The following NWD2 variants were observed in gnomAD, a reference collection of about 807,000 sequenced individuals.
The protein encoded by NWD2 is NACHT and WD repeat domain-containing protein 2.
NWD2 carries 37 observed loss-of-function variants against 132.7 expected under a neutral mutation model. The observed-to-expected ratio is 0.28, with a 90% CI of 0.21 to 0.37. The LOEUF is 0.37. NWD2 is among the 10% of genes least tolerant of loss of function. NWD2 has a pLI of 1.00. For synonymous variants in NWD2, 705 were observed against 803.0 expected (o/e 0.88, Z 2.06); for missense variants, 1,592 against 2,122.4 (o/e 0.75, Z 4.91).
At position 37,439,145 on chromosome 4, in the gene NWD2, A is replaced by G; in HGVS notation, c.1051A>G (p.Ile351Val). ...TGGTAAACAATTTTATGAGGACATG[A>G]TTGATATAATTCAGGCAACGATACA... The part of the protein sequence containing the change: ...GLGKQFYEDM[I>V]DIIQATIQQN... Residue 351 changes from isoleucine to valine, a missense_variant, in exon 6 of 7, where the codon ATT (isoleucine) becomes GTT (valine). Transcript: ENST00000309447. This position sits in a 1 kb window ranked among gnomAD's most constrained non-coding sequence, Gnocchi z 4.5. 6.4e-7 allele frequency: 1 copy of G among 1,551,404 alleles called. No homozygotes were observed. The highest frequency in any genetic ancestry group is 2.4e-5 in the East Asian group (1 of 40,918).
At chr4:37,272,131 T>G (rs902896523) in intron 1 of NWD2, among the ~76,000 whole-genome samples, 1 of 151,858 alleles carries the variant, frequency 6.6e-6, no homozygotes, top group African/African-American at 2.4e-5. Flanking sequence ...TAAAGCAACC[T>G]GTTCTTCTTC....
At chr4:37,349,094 C>T (rs960622374) in intron 2 of NWD2, among the ~76,000 whole-genome samples, 16 of 151,906 alleles carry the variant, frequency 1.1e-4, no homozygotes, top group East Asian at 9.7e-4. Context: ...GATGGGCATT[C>T]GGGTTGGTTC....
At chr4:37,396,864 C>T (rs979989088) in intron 3 of NWD2, among the ~76,000 whole-genome samples, 8 of 152,138 alleles carry the variant, frequency 5.3e-5, no homozygotes. Context: ...GAAACCCCAT[C>T]TCTACTAAAA....
chr4:37,256,902 A>G (rs1405167319), intron 1 of NWD2, among the ~76,000 whole-genome samples: 1 of 152,150 alleles, frequency 6.6e-6, no homozygotes, highest in Non-Finnish European at 1.5e-5. Flanking sequence ...CTGGCCCTAG[A>G]AATTTGGGGC....
intron 3 of NWD2, among the ~76,000 whole-genome samples, chr4:37,393,770 A>T (rs1302844332): frequency 6.6e-6 from 1 of 152,146 alleles, no homozygotes; most frequent in Non-Finnish European, 1.5e-5. Context: ...ATTTCCTGTT[A>T]ACTTAACATC....
chr4:37,266,334 A>G (rs1412213937), intron 1 of NWD2, among the ~76,000 whole-genome samples: 1 of 152,082 alleles, frequency 6.6e-6, no homozygotes, highest in Non-Finnish European at 1.5e-5. Context: ...ATGATCAGGA[A>G]CTTGAACATG....
chr4:37,436,690 A>T (rs1712332201), intron 5 of NWD2, among the ~76,000 whole-genome samples: 1 of 152,138 alleles, frequency 6.6e-6, no homozygotes, highest in Non-Finnish European at 1.5e-5. Context: ...TCTCTTCATG[A>T]TGCTCTCAGA....
intron 1 of NWD2, among the ~76,000 whole-genome samples, chr4:37,283,423 A>G (rs1718167852): frequency 6.6e-6 from 1 of 152,202 alleles, no homozygotes; most frequent in Non-Finnish European, 1.5e-5. Context: ...AAGCCTTCTT[A>G]ATGACACTGG....
chr4:37,300,215 A>G (rs1577660369), intron 1 of NWD2, among the ~76,000 whole-genome samples: 1 of 152,148 alleles, frequency 6.6e-6, no homozygotes, highest in African/African-American at 2.4e-5. Context: ...AGACCTTGCT[A>G]TGCATTATTG....
intron 2 of NWD2, among the ~76,000 whole-genome samples, chr4:37,347,734 A>C (rs1028799787): frequency 3.3e-5 from 5 of 152,226 alleles, no homozygotes; most frequent in Admixed American, 1.3e-4. Flanking sequence ...TATGACATTT[A>C]AAGAAGATCA....
At chr4:37,420,784 G>A (rs1711786001) in intron 3 of NWD2, among the ~76,000 whole-genome samples, 1 of 152,154 alleles carries the variant, frequency 6.6e-6, no homozygotes, top group Non-Finnish European at 1.5e-5. Flanking sequence ...GACTGGGGCA[G>A]GGGCGGTTCC....
chr4:37,309,240 CT>C (rs1718778569), intron 1 of NWD2, among the ~76,000 whole-genome samples: 1 of 152,184 alleles, frequency 6.6e-6, no homozygotes, highest in African/African-American at 2.4e-5. Flanking sequence ...GTCCTAGGGC[CT>C]TTGGGGAGTG....
intron 1 of NWD2, among the ~76,000 whole-genome samples, chr4:37,285,400 C>G (rs975310338): frequency 1.3e-5 from 2 of 151,870 alleles, no homozygotes; most frequent in Non-Finnish European, 2.9e-5. Context: ...AATTTTCTCC[C>G]GTATATTAAA....
At chr4:37,414,462 G>GA (rs550414685) in intron 3 of NWD2, among the ~76,000 whole-genome samples, 3,233 of 130,440 alleles carry the variant, frequency 0.025, 91 homozygotes, top group African/African-American at 0.076. Context: ...AGCCAGCCCT[G>GA]AAAAAAAAAA....
At chr4:37,380,616 G>T (rs1026968966) in intron 3 of NWD2, among the ~76,000 whole-genome samples, 27 of 152,156 alleles carry the variant, frequency 1.8e-4, no homozygotes, top group African/African-American at 6.5e-4. Context: ...TATATGCTAA[G>T]GAATCACAAG....
intron 1 of NWD2, among the ~76,000 whole-genome samples, chr4:37,324,306 C>T (rs10001922): frequency 0.072 from 10,896 of 151,934 alleles, 1,198 homozygotes; most frequent in African/African-American, 0.23. Flanking sequence ...ATTTTATGTA[C>T]GATTTAGATA....
At chr4:37,394,138 T>A (rs1341630058) in intron 3 of NWD2, among the ~76,000 whole-genome samples, 1 of 152,268 alleles carries the variant, frequency 6.6e-6, no homozygotes, top group Admixed American at 6.5e-5. Flanking sequence ...CATTGTTATC[T>A]ATCTAGCATC....
At chr4:37,246,032 T>C (rs887125956) in intron 1 of NWD2, among the ~76,000 whole-genome samples, 7 of 152,078 alleles carry the variant, frequency 4.6e-5, no homozygotes, top group African/African-American at 7.2e-5. Context: ...TTCCCAGTAA[T>C]TGGGGAGTTG....
rs1477472499 is a variant in NWD2 at position 37,336,724 on chromosome 4, A to T, written c.240+10700A>T. On this transcript the variant is annotated intron_variant, in intron 2 of 6. Coordinates refer to ENST00000309447, the MANE Select transcript of NWD2 (RefSeq NM_001144990.2). ...GGGAGGCCGAGGCGGGTGGATCACG[A>T]GGTCAGAAGTTCGAGACCAGCCTGG... Among the ~76,000 whole-genome samples, 4 of 152,138 alleles carry T rather than the reference A, an allele frequency of 2.6e-5. No homozygotes were observed. The East Asian group carries it at 7.7e-4, about 29-fold the overall frequency.
Sources: gnomAD v4.1 joint callset for allele counts (sites outside exome capture counted in the v4.1 genomes callset) on GRCh38, gnomAD v4.1.1 for gene constraint, Gnocchi (gnomAD v3.1) non-coding constraint, MANE v1.5 for transcripts, NCBI Gene and HGNC (gene_info 2026-07-23, HGNC 2026-07-21) for gene names.